The following PIGX variants were observed in gnomAD, a reference collection of about 807,000 sequenced individuals.
The protein encoded by PIGX is phosphatidylinositol glycan anchor biosynthesis class X, also known as GPI alpha-1,4-mannosyltransferase I, stabilizing subunit.
In PIGX, 24 loss-of-function variants were observed where a neutral mutation model predicts 28.7. The observed-to-expected ratio is 0.84, with a 90% CI of 0.60 to 1.17. The LOEUF is 1.17. Ranked by LOEUF, PIGX falls within the 50% of genes most tolerant of loss-of-function variation. The pLI is 0.00. For synonymous variants in PIGX, 127 were observed against 121.0 expected, an observed-to-expected ratio of 1.05 and a Z score of -0.33; for missense variants, 305 against 317.8, an observed-to-expected ratio of 0.96 and a Z score of 0.31.
intron 3 of PIGX, chr3:196,726,551 T>C: frequency 2.7e-6 from 1 of 366,502 alleles, no homozygotes; most frequent in Non-Finnish European, 5.5e-6. Context: ...GAAGGTAATA[T>C]TGCTCCTGTA....
chr3:196,722,344 G>A, intron 2 of PIGX, 71 bp from the exon 3 acceptor site: 1 of 1,106,986 alleles, frequency 9.0e-7, no homozygotes, highest in Non-Finnish European at 1.3e-6. Flanking sequence ...TCACTAATAG[G>A]AATACAGTGT....
At position 196,733,791 on chromosome 3, in the gene PIGX, G is replaced by T. The variant is rs776880354; in HGVS notation, c.666G>T (p.Val222=). The T allele has an allele frequency of 5.6e-5, 89 of 1,583,940 alleles. No individual in the cohort carries two copies. Among genetic ancestry groups the T allele is most frequent in the Non-Finnish European group, 7.5e-5 (86 of 1,152,572 alleles). The change falls in exon 6 of 6, where the codon GTG becomes GTT. Residue 222 remains valine (V), a synonymous_variant. Coordinates refer to ENST00000392391, the MANE Select transcript of PIGX (RefSeq NM_017861.4). The surrounding 1 kb of genome is among the most constrained non-coding windows in gnomAD (Gnocchi z 4.3). ...AGAATGTGATTCTACAAGTTCCAGTGGGACTGACTGTACATACCTCTCTAG... is the reference window on the plus strand; with the variant it reads ...AGAATGTGATTCTACAAGTTCCAGTTGGACTGACTGTACATACCTCTCTAG...
intron 1 of PIGX, among the ~76,000 whole-genome samples, chr3:196,714,593 C>T (rs1712010236): frequency 6.6e-6 from 1 of 151,928 alleles, no homozygotes; most frequent in Non-Finnish European, 1.5e-5. Context: ...TCCCAAGTAG[C>T]GGGAACTACA....
rs535471214 is a variant in PIGX at position 196,731,100 on chromosome 3, A to T, written c.633+8A>T. The T allele has an allele frequency of 1.6e-5, 24 of 1,465,230 alleles. No individual in the cohort carries two copies. The Middle Eastern group carries it at 6.9e-4, about 42-fold the overall frequency. 90.8% of individuals were successfully genotyped at this position (1,465,230 alleles called of 1,614,324 possible). ...AAGATGAAGTATAAATCAGTAAGCT[A>T]ATGTTTTATGTTGTTTTTTAGATCA... On this transcript the variant is annotated splice_region_variant and intron_variant, in intron 5 of 5. Transcript: ENST00000392391.
In PIGX at chr3:196,734,038, T is replaced by G. The variant is rs1712920891; in HGVS notation, c.*136T>G. On this transcript the variant is annotated 3_prime_UTR_variant, in exon 6 of 6. Transcript: ENST00000392391. ...AAAATTATGTTTACTAGAGGAAATTTGGGATCATTCTCAGCTAATTCCAAA... is the reference window on the plus strand; with the variant it reads ...AAAATTATGTTTACTAGAGGAAATTGGGGATCATTCTCAGCTAATTCCAAA... 1.6e-6 allele frequency: 1 copy of G among 628,072 alleles called. No homozygotes were observed. The highest frequency in any genetic ancestry group is 2.9e-5 in the Admixed American group (1 of 34,834). 38.9% of individuals were successfully genotyped at this position (628,072 alleles called of 1,614,324 possible). A position where few individuals can be genotyped will look rare whatever the true frequency, so the allele number is the denominator to read the frequency against.
At chr3:196,729,429 C>T (rs1490012635) in intron 4 of PIGX, among the ~76,000 whole-genome samples, 1 of 149,090 alleles carries the variant, frequency 6.7e-6, no homozygotes, top group African/African-American at 2.5e-5. Context: ...TTTTTTGAGG[C>T]GGAGTCTCGC....
At chr3:196,718,552 T>C (rs1560075817) in intron 2 of PIGX, among the ~76,000 whole-genome samples, 1 of 152,198 alleles carries the variant, frequency 6.6e-6, no homozygotes, top group Non-Finnish European at 1.5e-5. Context: ...CATTGATGTT[T>C]CCAGTAGTGA....
At chr3:196,723,949 A>G (rs1439991073) in intron 3 of PIGX, among the ~76,000 whole-genome samples, 4 of 151,646 alleles carry the variant, frequency 2.6e-5, no homozygotes, top group African/African-American at 9.7e-5. Flanking sequence ...GTGTGTTCTC[A>G]GTTTTTTGTG....
intron 5 of PIGX, 23 bp downstream of exon 5, chr3:196,731,115 T>G (rs907615707): frequency 1.0e-5 from 13 of 1,288,670 alleles, no homozygotes; most frequent in Middle Eastern, 1.9e-4. Flanking sequence ...TTTATGTTGT[T>G]TTTTAGATCA....
chr3:196,729,447 C>G (rs1008765425), intron 4 of PIGX, among the ~76,000 whole-genome samples: 3 of 150,826 alleles, frequency 2.0e-5, no homozygotes, highest in Admixed American at 6.6e-5. Context: ...CGCTCTGTTG[C>G]CCAGGCTGGA....
chr3:196,733,403 A>G lies in PIGX; in HGVS notation c.634-356A>G, dbSNP rs778936665. Among the ~76,000 whole-genome samples the G allele has an allele frequency of 1.3e-5, 2 of 151,986 alleles. No individual in the cohort carries two copies. Among genetic ancestry groups the G allele is most frequent in the African/African-American group, 4.8e-5 (2 of 41,372 alleles). On this transcript the variant is annotated intron_variant, in intron 5 of 5. Transcript: ENST00000392391. The surrounding 1 kb of genome is among the most constrained non-coding windows in gnomAD (Gnocchi z 4.3). The stretch of plus-strand genomic sequence containing the variant: ...CTTATGACATTTATTTTATTTTACT[A>G]TTTTTATTTATTTATTTATTTATTT...
intron 3 of PIGX, among the ~76,000 whole-genome samples, chr3:196,724,797 C>T (rs1712458118): frequency 6.6e-6 from 1 of 152,174 alleles, no homozygotes; most frequent in Non-Finnish European, 1.5e-5. Flanking sequence ...ATTCCTCGTA[C>T]AGAGAAACTT....
chr3:196,732,882 A>G (rs1268039095), intron 5 of PIGX, among the ~76,000 whole-genome samples: 4 of 152,056 alleles, frequency 2.6e-5, no homozygotes, highest in Non-Finnish European at 5.9e-5. Context: ...CCAAATAGAA[A>G]ATAGAAACTG....
chr3:196,729,160 C>T lies in PIGX; in HGVS notation c.532+1024C>T, dbSNP rs564904584. ...CAGCCTGACCAACATGGTGAAACCC[C>T]GTCTCTACTAAAAATACAAAAAATT... On this transcript the variant is annotated intron_variant, in intron 4 of 5. Transcript: ENST00000392391. 4.0e-3 allele frequency among the ~76,000 whole-genome samples: 609 copies of T among 151,700 alleles called. 1 individual carries two copies. The highest frequency in any genetic ancestry group is 0.014 in the African/African-American group (581 of 41,370).
chr3:196,728,447 T>A lies in PIGX; in HGVS notation c.532+311T>A, dbSNP rs116393855. On this transcript the variant is annotated intron_variant, in intron 4 of 5. Coordinates refer to ENST00000392391, the MANE Select transcript of PIGX (RefSeq NM_017861.4). ...ACCATCCTGACTGTTAAATACTTCC[T>A]TATGTTTCTTTATATGTTTATCATC... The A allele has an allele frequency of 3.2e-3, 1,886 of 591,726 alleles. 28 individuals are homozygous for A. The highest frequency in any genetic ancestry group is 0.03 in the African/African-American group (1,617 of 53,792). 36.7% of individuals were successfully genotyped at this position (591,726 alleles called of 1,614,324 possible). A position where few individuals can be genotyped will look rare whatever the true frequency, so the allele number is the denominator to read the frequency against.
At chr3:196,732,254 A>ATTTT (rs1189283560) in intron 5 of PIGX, among the ~76,000 whole-genome samples, 5 of 23,862 alleles carry the variant, frequency 2.1e-4, no homozygotes, top group African/African-American at 6.6e-4. Flanking sequence ...ATATATATAT[A>ATTTT]TATTTTATTT....
At chr3:196,719,628 C>T (rs180717157) in intron 2 of PIGX, among the ~76,000 whole-genome samples, 5 of 151,988 alleles carry the variant, frequency 3.3e-5, no homozygotes, top group Admixed American at 2.6e-4. Context: ...AGGATAGCTT[C>T]ATCTCCTTCT....
intron 1 of PIGX, among the ~76,000 whole-genome samples, chr3:196,714,483 G>C (rs956556606): frequency 2.4e-5 from 2 of 84,576 alleles, no homozygotes; most frequent in Non-Finnish European, 5.4e-5. Context: ...TTTTTTTTTT[G>C]AGACGGAGTC....
intron 2 of PIGX, among the ~76,000 whole-genome samples, chr3:196,717,163 A>G (rs1024721363): frequency 3.9e-5 from 6 of 151,942 alleles, no homozygotes; most frequent in Non-Finnish European, 8.8e-5. Flanking sequence ...GTTGGGCATG[A>G]TGGTACACAC....
Sources: allele counts gnomAD v4.1 joint callset (sites outside exome capture counted in the v4.1 genomes callset), GRCh38; gene constraint gnomAD v4.1.1; non-coding constraint Gnocchi (gnomAD v3.1); transcripts MANE v1.5; gene names NCBI Gene and HGNC (gene_info 2026-07-23, HGNC 2026-07-21).